SLIT3: variants seen among roughly 807,000 people sequenced by gnomAD.
SLIT3 encodes slit guidance ligand 3.
Under a neutral mutation model 184.0 loss-of-function variants are expected in SLIT3, and 68 were observed. That is an observed-to-expected ratio of 0.37 (90% CI 0.30 to 0.45). The LOEUF (loss-of-function observed/expected upper bound fraction) is 0.45. SLIT3 is among the 20% of genes least tolerant of loss of function. The pLI is 1.00. For missense variants in SLIT3, 1,707 were observed against 2,026.0 expected (o/e 0.84, Z 3.02); for synonymous variants, 831 against 828.6 (o/e 1.00, Z -0.05).
intron 4 of SLIT3, among the ~76,000 whole-genome samples, chr5:168,936,810 A>G (rs1215961330): frequency 6.6e-6 from 1 of 151,992 alleles, no homozygotes; most frequent in Non-Finnish European, 1.5e-5. Flanking sequence ...TTATCAACCA[A>G]TATATACTTA....
At chr5:168,748,194 C>A (rs963027597) in intron 20 of SLIT3, 108 bp downstream of exon 20, 2 of 1,284,098 alleles carry the variant, frequency 1.6e-6, no homozygotes, top group Non-Finnish European at 2.1e-6. Context: ...TAGGGTCTCC[C>A]CCCGGCAGTT....
intron 4 of SLIT3, among the ~76,000 whole-genome samples, chr5:168,912,919 A>G (rs900507586): frequency 2.0e-5 from 3 of 151,950 alleles, no homozygotes; most frequent in African/African-American, 7.3e-5. Flanking sequence ...GCCTGGATTC[A>G]CTTGTTACAG....
chr5:168,738,937 C>CAAAAAAAAAA lies in SLIT3; in HGVS notation c.2270+9355_2270+9364dup, dbSNP rs34133933. ...TGGGTGAAAGAGCAAGACTCCATCT[C>CAAAAAAAAAA]AAAAAAAAAAAAAAAAAAAAGCAGC... On this transcript the variant is annotated intron_variant, in intron 20 of 35. Transcript: ENST00000519560. Among the ~76,000 whole-genome samples, 20 of 84,302 alleles carry CAAAAAAAAAA rather than the reference C, an allele frequency of 2.4e-4. 1 individual carries two copies. The highest frequency in any genetic ancestry group is 9.0e-4 in the African/African-American group (18 of 20,088). 55.3% of individuals were successfully genotyped at this position (84,302 alleles called of 152,430 possible).
At chr5:169,098,697 G>C (rs1759886054) in intron 4 of SLIT3, among the ~76,000 whole-genome samples, 1 of 152,234 alleles carries the variant, frequency 6.6e-6, no homozygotes, top group East Asian at 1.9e-4. Flanking sequence ...GGAGGGTTAA[G>C]TGTAGATGGT....
chr5:168,923,802 C>G (rs986523499), intron 4 of SLIT3, among the ~76,000 whole-genome samples: 3 of 152,250 alleles, frequency 2.0e-5, no homozygotes, highest in African/African-American at 7.2e-5. Flanking sequence ...AGGCATGAGC[C>G]ATCACGTCCT....
At chr5:168,777,036 C>G (rs1001648823) in intron 12 of SLIT3, among the ~76,000 whole-genome samples, 1 of 151,444 alleles carries the variant, frequency 6.6e-6, no homozygotes, top group Admixed American at 6.6e-5. Flanking sequence ...CAATCCTCCT[C>G]TGTTTTAAAA....
At chr5:168,823,458 A>G in intron 6 of SLIT3, 127 bp from the exon 7 acceptor site, 2 of 765,528 alleles carry the variant, frequency 2.6e-6, no homozygotes, top group East Asian at 4.9e-5. Context: ...TGGCCCAGCC[A>G]GTGGAGCAGC....
chr5:168,839,952 G>A (rs941239697), intron 6 of SLIT3, among the ~76,000 whole-genome samples: 1 of 152,324 alleles, frequency 6.6e-6, no homozygotes, highest in Admixed American at 6.5e-5. Flanking sequence ...GGTGCTCAGG[G>A]TGCAGAATGC....
At chr5:168,769,341 A>G (rs890212472) in intron 14 of SLIT3, among the ~76,000 whole-genome samples, 1 of 152,180 alleles carries the variant, frequency 6.6e-6, no homozygotes, top group Non-Finnish European at 1.5e-5. Context: ...AACTGGAGCT[A>G]AGGCTAAGTG....
chr5:168,817,950 C>T (rs900611302), intron 7 of SLIT3, among the ~76,000 whole-genome samples: 5 of 148,532 alleles, frequency 3.4e-5, no homozygotes, highest in South Asian at 4.1e-4. Context: ...TTCGTTCCCC[C>T]GCTAAGTGTC....
At chr5:169,250,417 C>T (rs1198595178) in intron 2 of SLIT3, among the ~76,000 whole-genome samples, 2 of 152,182 alleles carry the variant, frequency 1.3e-5, no homozygotes, top group African/African-American at 4.8e-5. Context: ...CAACGTATTC[C>T]CTATACTGCA....
intron 3 of SLIT3, among the ~76,000 whole-genome samples, chr5:169,219,773 C>T (rs898632024): frequency 4.6e-5 from 7 of 152,186 alleles, no homozygotes; most frequent in African/African-American, 1.2e-4. Context: ...AAGATGAAAT[C>T]GCAGAAGCAG....
At chr5:168,817,641 T>C (rs545359853) in intron 7 of SLIT3, among the ~76,000 whole-genome samples, 178 bp from the exon 8 acceptor site, 49 of 152,302 alleles carry the variant, frequency 3.2e-4, no homozygotes, top group African/African-American at 1.1e-3. Context: ...AACCCTTTCA[T>C]TGCCAGGTCA....
chr5:168,839,252 C>T (rs948543684), intron 6 of SLIT3, among the ~76,000 whole-genome samples: 4 of 152,102 alleles, frequency 2.6e-5, no homozygotes, highest in African/African-American at 7.2e-5. Flanking sequence ...CTGCCAAGCA[C>T]CTGCTCACTT....
chr5:168,778,289 G>T (rs1216536702), intron 12 of SLIT3, among the ~76,000 whole-genome samples: 1 of 152,212 alleles, frequency 6.6e-6, no homozygotes, highest in Non-Finnish European at 1.5e-5. Flanking sequence ...AGTGGTGACG[G>T]ACTCAACCAA....
Position 169,032,902 on chromosome 5 carries a change from T to A in SLIT3, c.414-149566A>T, listed in dbSNP as rs533039795. On this transcript the variant is annotated intron_variant, in intron 4 of 35. Coordinates refer to ENST00000519560, the MANE Select transcript of SLIT3 (RefSeq NM_003062.4). Reference sequence around the variant, plus strand: ...GCAAATTAACATAGCCATCATCTCATAAGTATCCATTTTTCCTTGATTTTT... The same window carrying A: ...GCAAATTAACATAGCCATCATCTCAAAAGTATCCATTTTTCCTTGATTTTT... 2.7e-5 allele frequency among the ~76,000 whole-genome samples: 4 copies of A among 149,056 alleles called. No individual in the cohort carries two copies. The East Asian group carries it at 7.9e-4, about 29-fold the overall frequency.
At position 168,823,247 on chromosome 5, in the gene SLIT3, A is replaced by G. The variant is rs1424957931; in HGVS notation, c.629+13T>C. The stretch of plus-strand genomic sequence containing the variant: ...GGGAGAAAATGGGAGAGATGCACAG[A>G]CTTCTTACTCACAGAGTTCGGATCT... On this transcript the variant is annotated intron_variant, in intron 7 of 35. Transcript: ENST00000519560. The G allele has an allele frequency of 6.2e-7, 1 of 1,609,436 alleles. No homozygotes were observed.
In SLIT3 at chr5:169,155,141, G is replaced by A. The variant is rs186886967; in HGVS notation, c.413+38338C>T. Reference sequence around the variant, plus strand: ...TTTGGTAACCTAGCGTCAGCAGCTAGTGTTTGAGCCAATCAACCCTGTGTC... The same window carrying A: ...TTTGGTAACCTAGCGTCAGCAGCTAATGTTTGAGCCAATCAACCCTGTGTC... On this transcript the variant is annotated intron_variant, in intron 4 of 35. Transcript: ENST00000519560. Among the ~76,000 whole-genome samples, 15 of 152,294 alleles carry A rather than the reference G, an allele frequency of 9.8e-5. No individual in the cohort carries two copies. In the East Asian group the frequency reaches 2.9e-3, roughly 29 times the overall value.
intron 5 of SLIT3, among the ~76,000 whole-genome samples, chr5:168,878,249 T>C (rs972813176): frequency 6.6e-6 from 1 of 152,156 alleles, no homozygotes; most frequent in African/African-American, 2.4e-5. Context: ...AGTAATTGCG[T>C]AGAGTGGCAT....
Sources: gnomAD v4.1 joint callset for allele counts (sites outside exome capture counted in the v4.1 genomes callset) on GRCh38, gnomAD v4.1.1 for gene constraint, MANE v1.5 for transcripts, NCBI Gene and HGNC (gene_info 2026-07-23, HGNC 2026-07-21) for gene names.